The following NSUN7 variants were observed in gnomAD, a reference collection of about 807,000 sequenced individuals.
NSUN7 encodes the protein protein NSUN7.
A neutral mutation model predicts 58.5 loss-of-function variants in NSUN7; 39 were observed. The ratio of observed to expected loss-of-function variants is 0.67; its 90% CI spans 0.52 to 0.87. The LOEUF (loss-of-function observed/expected upper bound fraction) is 0.87. Ranked by LOEUF, NSUN7 falls within the 40% of genes least tolerant of loss-of-function variation. The probability of loss-of-function intolerance (pLI) is 0.00; values close to 1 mark genes in which losing one functional copy is unlikely to be tolerated. For missense variants in NSUN7, 765 were observed against 844.1 expected (o/e 0.91, Z 1.16); for synonymous variants, 278 against 303.7 (o/e 0.92, Z 0.88).
intron 10 of NSUN7, among the ~76,000 whole-genome samples, chr4:40,800,402 C>T (rs1031965310): frequency 1.6e-4 from 24 of 151,796 alleles, no homozygotes; most frequent in Non-Finnish European, 3.1e-4. Flanking sequence ...TGCAGTAGCA[C>T]GATCTCAGCT....
chr4:40,808,131 T>A (rs1008971218), intron 11 of NSUN7, among the ~76,000 whole-genome samples, 176 bp from the exon 12 acceptor site: 3 of 151,944 alleles, frequency 2.0e-5, no homozygotes, highest in Admixed American at 6.6e-5. Flanking sequence ...TTTGTTTTTT[T>A]AAAAAGGCAT....
chr4:40,790,820 TAG>T, intron 8 of NSUN7, 75 bp downstream of exon 8: 1 of 1,135,244 alleles, frequency 8.8e-7, no homozygotes, highest in Non-Finnish European at 1.2e-6. Flanking sequence ...ATCATTAAAA[TAG>T]CATATCAAAT....
Position 40,750,601 on chromosome 4 carries a change from A to C in NSUN7, c.-91-2A>C. The C allele has an allele frequency of 6.9e-7, 1 of 1,442,824 alleles. No individual in the cohort carries two copies. The highest frequency in any genetic ancestry group is 9.5e-7 in the Non-Finnish European group (1 of 1,053,436). 89.4% of individuals were successfully genotyped at this position (1,442,824 alleles called of 1,614,324 possible). A position where few individuals can be genotyped will look rare whatever the true frequency, so the allele number is the denominator to read the frequency against. ...TACTGCAATCACCTTCTCTCTTCAC[A>C]GAGACCATGCTGCAGATGCGAGGAA... On this transcript the variant is annotated splice_acceptor_variant, in intron 1 of 11. Coordinates refer to ENST00000381782, the MANE Select transcript of NSUN7 (RefSeq NM_024677.6). LOFTEE classifies it low-confidence loss of function (5UTR_SPLICE).
intron 7 of NSUN7, among the ~76,000 whole-genome samples, chr4:40,785,806 A>C (rs1055506413): frequency 1.3e-5 from 2 of 152,296 alleles, no homozygotes; most frequent in African/African-American, 2.4e-5. Context: ...GTAGGCTAAA[A>C]TACTACCATT....
intron 2 of NSUN7, among the ~76,000 whole-genome samples, chr4:40,756,710 A>G (rs550637642): frequency 2.6e-5 from 4 of 152,330 alleles, no homozygotes; most frequent in East Asian, 3.9e-4. Flanking sequence ...CCTAATTCAT[A>G]TGGTTGTTGT....
At chr4:40,793,394 A>G (rs1743182565) in intron 8 of NSUN7, among the ~76,000 whole-genome samples, 2 of 152,204 alleles carry the variant, frequency 1.3e-5, no homozygotes, top group Non-Finnish European at 2.9e-5. Flanking sequence ...GTGAGCCGAG[A>G]TGGTGCCACT....
Position 40,806,616 on chromosome 4 carries a change from T to C in NSUN7, c.1401-445T>C, listed in dbSNP as rs897519681. Among the ~76,000 whole-genome samples the C allele has an allele frequency of 2.1e-4, 32 of 152,308 alleles. 1 individual carries two copies. The highest frequency in any genetic ancestry group is 3.9e-4 in the Admixed American group (6 of 15,294). The stretch of plus-strand genomic sequence containing the variant: ...ATAATGTAATTAAAGTGATAGGCTA[T>C]ATTTTTATATTGTAATTGTGCAAAA... On this transcript the variant is annotated intron_variant, in intron 10 of 11. Coordinates refer to ENST00000381782, the MANE Select transcript of NSUN7 (RefSeq NM_024677.6).
intron 2 of NSUN7, among the ~76,000 whole-genome samples, chr4:40,751,610 A>T (rs533541043): frequency 2.6e-5 from 4 of 152,320 alleles, no homozygotes; most frequent in African/African-American, 9.6e-5. Flanking sequence ...TATCCCATTC[A>T]TAGCCACTAG....
At chr4:40,790,813 A>G (rs753751766) in intron 8 of NSUN7, 68 bp downstream of exon 8, 4 of 1,183,792 alleles carry the variant, frequency 3.4e-6, no homozygotes, top group Non-Finnish European at 4.8e-6. Context: ...ATTTAAAATC[A>G]TTAAAATAGC....
chr4:40,761,610 T>C (rs191435573), intron 4 of NSUN7, among the ~76,000 whole-genome samples: 1 of 152,314 alleles, frequency 6.6e-6, no homozygotes, highest in East Asian at 1.9e-4. Flanking sequence ...AATTGCTTAG[T>C]TCACTTTATT....
intron 10 of NSUN7, among the ~76,000 whole-genome samples, chr4:40,802,119 A>G (rs1472356719): frequency 2.0e-5 from 3 of 152,026 alleles, no homozygotes; most frequent in Non-Finnish European, 4.4e-5. Flanking sequence ...TTTTGGTAAG[A>G]GAGTCAAGTA....
chr4:40,792,578 C>T (rs1432285957), intron 8 of NSUN7, among the ~76,000 whole-genome samples: 4 of 152,014 alleles, frequency 2.6e-5, no homozygotes, highest in South Asian at 2.1e-4. Context: ...GGTGAAACCC[C>T]GTCTCTACTA....
intron 4 of NSUN7, among the ~76,000 whole-genome samples, chr4:40,763,340 C>G (rs1741548047): frequency 6.6e-6 from 1 of 152,152 alleles, no homozygotes; most frequent in African/African-American, 2.4e-5. Context: ...CTGGGGGAAA[C>G]CACCTTATTG....
At chr4:40,774,085 G>T (rs888868206) in intron 4 of NSUN7, among the ~76,000 whole-genome samples, 180 bp from the exon 5 acceptor site, 8 of 152,134 alleles carry the variant, frequency 5.3e-5, no homozygotes, top group Non-Finnish European at 7.4e-5. Flanking sequence ...GGCATGAGCC[G>T]CTGCGCCTGG....
Position 40,786,737 on chromosome 4 carries a change from G to A in NSUN7, c.1037-3865G>A, listed in dbSNP as rs182672805. The A allele has an allele frequency of 6.7e-5, 102 of 1,526,048 alleles. No homozygotes were observed. The African/African-American group carries it at 1.3e-3, about 20-fold the overall frequency. 94.5% of individuals were successfully genotyped at this position (1,526,048 alleles called of 1,614,324 possible). A position where few individuals can be genotyped will look rare whatever the true frequency, so the allele number is the denominator to read the frequency against. On this transcript the variant is annotated intron_variant, in intron 7 of 11. Coordinates refer to ENST00000381782, the MANE Select transcript of NSUN7 (RefSeq NM_024677.6). Reference sequence around the variant, plus strand: ...GAATATCAATACCTATTATATCTGTGTGGAGTAGGTTTTCTCTGGTCTGAT... The same window carrying A: ...GAATATCAATACCTATTATATCTGTATGGAGTAGGTTTTCTCTGGTCTGAT...
At chr4:40,772,886 G>A (rs1742079908) in intron 4 of NSUN7, among the ~76,000 whole-genome samples, 1 of 152,122 alleles carries the variant, frequency 6.6e-6, no homozygotes, top group Non-Finnish European at 1.5e-5. Flanking sequence ...TATACTTGAG[G>A]TTGATTTCAG....
In NSUN7 at chr4:40,775,141, A is replaced by T; in HGVS notation, c.825+191A>T. On this transcript the variant is annotated intron_variant, in intron 6 of 11. Coordinates refer to ENST00000381782, the MANE Select transcript of NSUN7 (RefSeq NM_024677.6). This position sits in a 1 kb window ranked among gnomAD's most constrained non-coding sequence, Gnocchi z 4.3. ...TGCATCTGGTTGGCGTCTTTGTCTC[A>T]TGTGAATTTATAAAGAACATATTCT... 1 of 299,096 alleles carries T rather than the reference A, an allele frequency of 3.3e-6. No individual in the cohort carries two copies. Among genetic ancestry groups the T allele is most frequent in the Non-Finnish European group, 6.1e-6 (1 of 163,000 alleles). 18.5% of individuals were successfully genotyped at this position (299,096 alleles called of 1,614,324 possible).
At chr4:40,758,378 G>A (rs1218256660) in intron 2 of NSUN7, among the ~76,000 whole-genome samples, 3 of 152,216 alleles carry the variant, frequency 2.0e-5, no homozygotes, top group Admixed American at 1.3e-4. Context: ...ATGTGAAACT[G>A]TAAACTTCAT....
chr4:40,763,699 T>C (rs1419173395), intron 4 of NSUN7, among the ~76,000 whole-genome samples: 1 of 152,166 alleles, frequency 6.6e-6, no homozygotes, highest in East Asian at 1.9e-4. Flanking sequence ...CCAGAAGATA[T>C]TAATGTCTAA....
Sources: allele counts gnomAD v4.1 joint callset (sites outside exome capture counted in the v4.1 genomes callset), GRCh38; gene constraint gnomAD v4.1.1; non-coding constraint Gnocchi (gnomAD v3.1); transcripts MANE v1.5; gene names NCBI Gene and HGNC (gene_info 2026-07-23, HGNC 2026-07-21).